DMXL2: variants seen among roughly 807,000 people sequenced by gnomAD.
The protein encoded by DMXL2 is Dmx like 2.
A neutral mutation model predicts 331.1 loss-of-function variants in DMXL2; 103 were observed. That is an observed-to-expected ratio of 0.31 (90% CI 0.27 to 0.37). DMXL2 has a LOEUF of 0.37. Among genes scored for constraint, DMXL2 ranks in the 10% least tolerant of loss-of-function variants. The pLI, the probability that DMXL2 is intolerant of heterozygous loss-of-function variation, is 1.00. For missense variants in DMXL2, 3,171 were observed against 3,642.9 expected (o/e 0.87, Z 3.33); for synonymous variants, 1,281 against 1,252.1 (o/e 1.02, Z -0.49).
Position 51,448,795 on chromosome 15 carries a change from T to G in DMXL2, c.*189A>C. The G allele has an allele frequency of 1.6e-6, 1 of 615,490 alleles. No individual in the cohort carries two copies. Among genetic ancestry groups the G allele is most frequent in the Non-Finnish European group, 2.8e-6 (1 of 354,338 alleles). 38.1% of individuals were successfully genotyped at this position (615,490 alleles called of 1,614,324 possible). On this transcript the variant is annotated 3_prime_UTR_variant, in exon 44 of 44. Transcript: ENST00000560891. Reference sequence around the variant, plus strand: ...ATACTAGGTTTTATTTTTTTTAGTATGTCAGCATAATAAGGTACATGCGCA... The same window carrying G: ...ATACTAGGTTTTATTTTTTTTAGTAGGTCAGCATAATAAGGTACATGCGCA...
chr15:51,450,414 T>A (rs2039032931), intron 42 of DMXL2, 68 bp from the exon 43 acceptor site: 2 of 1,453,182 alleles, frequency 1.4e-6, no homozygotes, highest in African/African-American at 2.8e-5. Flanking sequence ...GATGTCTACA[T>A]CCACATTTAA....
intron 29 of DMXL2, among the ~76,000 whole-genome samples, chr15:51,470,415 GCCACTGCA>G (rs749616357): frequency 7.8e-4 from 118 of 152,252 alleles, no homozygotes; most frequent in Non-Finnish European, 1.4e-3. Context: ...ACAGGTATGA[GCCACTGCA>G]CCTGGCCTCA....
intron 13 of DMXL2, among the ~76,000 whole-genome samples, chr15:51,527,941 A>C (rs2047774075): frequency 1.3e-5 from 2 of 151,530 alleles, no homozygotes; most frequent in Non-Finnish European, 3.0e-5. Context: ...TAGCAGGACA[A>C]AGTTAAGGAG....
chr15:51,571,149 A>T (rs1403462297), intron 2 of DMXL2, among the ~76,000 whole-genome samples: 2 of 152,224 alleles, frequency 1.3e-5, no homozygotes, highest in Non-Finnish European at 2.9e-5. Context: ...GTCTCTGATA[A>T]AACAGACTTT....
chr15:51,499,106 T>C lies in DMXL2; in HGVS notation c.4118A>G (p.Lys1373Arg), dbSNP rs1252241612. Residue 1373 changes from lysine to arginine, a missense_variant, in exon 18 of 44, where the codon AAA becomes AGA. Around this residue, in one of 7 missense-constraint regions of DMXL2, gnomAD observed 1,674 missense variants for 1,780.2 expected, o/e 0.94. Coordinates refer to ENST00000560891, the MANE Select transcript of DMXL2 (RefSeq NM_001378457.1). ...TATTGCTACTTCACCTGCAATACAT[T>C]TTACTAAATGAGAGAGAATGGCTTT... is the stretch of plus-strand genomic sequence containing the variant. ...RAKAILSHLV[K>R]CIAGEVAIVR... 3.1e-6 allele frequency: 5 copies of C among 1,614,074 alleles called. No homozygotes were observed. The South Asian group carries it at 4.4e-5, about 14-fold the overall frequency.
intron 27 of DMXL2, among the ~76,000 whole-genome samples, chr15:51,476,144 A>G (rs1324064004): frequency 1.3e-5 from 2 of 152,202 alleles, no homozygotes; most frequent in Non-Finnish European, 2.9e-5. Flanking sequence ...AAAGAGAGCC[A>G]ACAAGAAAAA....
At chr15:51,559,728 CA>C (rs1252394926) in intron 6 of DMXL2, among the ~76,000 whole-genome samples, 1 of 151,604 alleles carries the variant, frequency 6.6e-6, no homozygotes, top group Non-Finnish European at 1.5e-5. Context: ...TCTAAAAAAA[CA>C]AAAAGCAAAA....
At chr15:51,553,211 G>A (rs187863253) in intron 6 of DMXL2, among the ~76,000 whole-genome samples, 4 of 152,228 alleles carry the variant, frequency 2.6e-5, no homozygotes, top group Admixed American at 2.0e-4. Context: ...CAAAAGCCTT[G>A]TCTATCATCT....
intron 17 of DMXL2, among the ~76,000 whole-genome samples, chr15:51,502,543 G>A (rs911285138): frequency 6.6e-6 from 1 of 151,986 alleles, no homozygotes; most frequent in Non-Finnish European, 1.5e-5. Flanking sequence ...GGGTGGTCTC[G>A]AACTACTGAC....
intron 29 of DMXL2, among the ~76,000 whole-genome samples, chr15:51,466,694 CTT>C (rs1184101595): frequency 6.6e-6 from 1 of 151,746 alleles, no homozygotes; most frequent in Non-Finnish European, 1.5e-5. Flanking sequence ...AATTATAAAT[CTT>C]TATAAAATTA....
chr15:51,449,218 A>C (rs764807890), intron 43 of DMXL2, 25 bp from the exon 44 acceptor site: 5 of 1,611,698 alleles, frequency 3.1e-6, no homozygotes, highest in Middle Eastern at 1.7e-4. Context: ...AAGGAGTTAA[A>C]AATATATTAC....
rs1464380426 is a variant in DMXL2, at chr15:51,545,550, A to C, written c.930+33T>G. The C allele has an allele frequency of 2.5e-6, 4 of 1,582,882 alleles. No individual in the cohort carries two copies. In the African/African-American group the frequency reaches 5.4e-5, roughly 21 times the overall value. ...TTTCCACCAGGCTCACATTATCTTCAAAATTCATTTACCATTTTAAATAAT... is the reference window on the plus strand; with the variant it reads ...TTTCCACCAGGCTCACATTATCTTCCAAATTCATTTACCATTTTAAATAAT... On this transcript the variant is annotated intron_variant, in intron 8 of 43. Transcript: ENST00000560891.
rs577589473 is a variant in DMXL2, at chr15:51,475,983, A to T, written c.6964+606T>A. On this transcript the variant is annotated intron_variant, in intron 27 of 43. Coordinates refer to ENST00000560891, the MANE Select transcript of DMXL2 (RefSeq NM_001378457.1). The stretch of plus-strand genomic sequence containing the variant: ...GGGTGAAATTTAGTATTATGTTTGC[A>T]ATTTTTTGCAAGTCTGAAATTATTT... Among the ~76,000 whole-genome samples the T allele has an allele frequency of 3.3e-5, 5 of 152,324 alleles. No individual in the cohort carries two copies. In the South Asian group the frequency reaches 1.0e-3, roughly 32 times the overall value.
At chr15:51,588,884 G>C (rs767530198) in intron 1 of DMXL2, among the ~76,000 whole-genome samples, 1 of 152,246 alleles carries the variant, frequency 6.6e-6, no homozygotes, top group African/African-American at 2.4e-5. Flanking sequence ...GATCATTTGA[G>C]ACCCCTTTTT....
intron 1 of DMXL2, among the ~76,000 whole-genome samples, chr15:51,600,164 T>G (rs1009424450): frequency 6.6e-6 from 1 of 152,214 alleles, no homozygotes; most frequent in Non-Finnish European, 1.5e-5. Flanking sequence ...ACTTTCTCAT[T>G]CAAGAATCAG....
At chr15:51,595,789 T>C (rs976260095) in intron 1 of DMXL2, among the ~76,000 whole-genome samples, 4 of 152,224 alleles carry the variant, frequency 2.6e-5, no homozygotes, top group Admixed American at 2.6e-4. Context: ...ATCTGATCTT[T>C]GACAAACCTG....
At chr15:51,523,351 G>A (rs188923025) in intron 13 of DMXL2, among the ~76,000 whole-genome samples, 136 of 152,314 alleles carry the variant, frequency 8.9e-4, no homozygotes, top group African/African-American at 3.1e-3. Context: ...TATAGCATGG[G>A]GGTCTCAAAG....
At chr15:51,587,514 C>G (rs1303217331) in intron 1 of DMXL2, among the ~76,000 whole-genome samples, 1 of 152,204 alleles carries the variant, frequency 6.6e-6, no homozygotes, top group Admixed American at 6.5e-5. Flanking sequence ...TTTTTTATGG[C>G]TGCATAGCAT....
At chr15:51,517,044 T>C in intron 14 of DMXL2, 34 bp downstream of exon 14, 1 of 1,522,538 alleles carries the variant, frequency 6.6e-7, no homozygotes, top group Non-Finnish European at 9.1e-7. Flanking sequence ...GGATAAAGTA[T>C]ACGAATATCA....
Sources: gnomAD v4.1 joint callset for allele counts (sites outside exome capture counted in the v4.1 genomes callset) on GRCh38, gnomAD v4.1.1 for gene constraint, gnomAD v4.1.1 regional missense constraint, MANE v1.5 for transcripts, NCBI Gene and HGNC (gene_info 2026-07-23, HGNC 2026-07-21) for gene names.